Variants in SRD5A2 observed in about 807,000 individuals in gnomAD.
SRD5A2 encodes the protein steroid 5 alpha-reductase 2.
In SRD5A2, 30 loss-of-function variants were observed where a neutral mutation model predicts 27.4. The ratio of observed to expected loss-of-function variants is 1.10; its 90% CI spans 0.82 to 1.49. The LOEUF (loss-of-function observed/expected upper bound fraction) is 1.49. Ranked by LOEUF, SRD5A2 falls within the 40% of genes most tolerant of loss-of-function variation. The pLI is 0.00. For missense variants in SRD5A2, 348 were observed against 323.4 expected (o/e 1.08, Z -0.58); for synonymous variants, 141 against 133.6 (o/e 1.06, Z -0.38).
chr2:31,596,131 G>A, the SRD5A2 span, among the ~76,000 whole-genome samples: 1 of 152,050 alleles, frequency 6.6e-6, no homozygotes, highest in African/African-American at 2.4e-5. Flanking sequence ...GCATTCTCCT[G>A]CAAGGTGTGG....
the SRD5A2 span, among the ~76,000 whole-genome samples, chr2:31,640,974 G>T: frequency 6.6e-6 from 1 of 152,142 alleles, no homozygotes; most frequent in African/African-American, 2.4e-5. Context: ...TTTTCTGTGT[G>T]TTGGTGCTGA....
the SRD5A2 span, among the ~76,000 whole-genome samples, chr2:31,627,681 T>G: frequency 2.0e-5 from 3 of 152,102 alleles, no homozygotes; most frequent in Non-Finnish European, 2.9e-5. Flanking sequence ...TTTCTCTCAT[T>G]CATTTCAAAG....
In SRD5A2 at chr2:31,533,740, C is replaced by T. The variant is rs749199514; in HGVS notation, c.308G>A (p.Arg103Gln). ...GAGTATAGCTGGATAAGGCCTCCCT[C>T]GATTGAGCAGTGAGTACACAAATGT... Reference protein sequence around the residue: ...HRTFVYSLLNRGRPYPAILIL... With the variant: ...HRTFVYSLLNQGRPYPAILIL... Residue 103 changes from arginine to glutamine, a missense_variant, in exon 2 of 5, where the codon CGA (arginine) becomes CAA (glutamine). Physicochemically the swap from Arg to Gln is conservative, Grantham distance 43. Coordinates refer to ENST00000622030, the MANE Select transcript of SRD5A2 (RefSeq NM_000348.4). 2.0e-5 allele frequency: 32 copies of T among 1,603,126 alleles called. No homozygotes were observed. Among genetic ancestry groups the T allele is most frequent in the South Asian group, 2.3e-5 (2 of 88,154 alleles).
chr2:31,583,260 G>T (rs760489539), upstream of SRD5A2, among the ~76,000 whole-genome samples: 1 of 152,198 alleles, frequency 6.6e-6, no homozygotes, highest in Non-Finnish European at 1.5e-5. Flanking sequence ...ACAAAAGTAC[G>T]AGAGTAGAAG....
intron 1 of SRD5A2, among the ~76,000 whole-genome samples, chr2:31,553,696 A>G (rs1342011695): frequency 1.3e-5 from 2 of 152,210 alleles, no homozygotes; most frequent in African/African-American, 4.8e-5. Flanking sequence ...CTACTCTGCA[A>G]TCTAAAGGAA....
intron 1 of SRD5A2, among the ~76,000 whole-genome samples, chr2:31,565,376 C>A: frequency 6.6e-6 from 1 of 151,428 alleles, no homozygotes; most frequent in Admixed American, 6.6e-5. Flanking sequence ...TTCTAATATC[C>A]CAGTTAAAAA....
the SRD5A2 span, among the ~76,000 whole-genome samples, chr2:31,621,566 T>C: frequency 6.6e-6 from 1 of 152,154 alleles, no homozygotes; most frequent in East Asian, 1.9e-4. Context: ...GATTAATGTA[T>C]AGCTTTTTGT....
At chr2:31,634,687 C>CTCCCT in the SRD5A2 span, among the ~76,000 whole-genome samples, 1 of 151,956 alleles carries the variant, frequency 6.6e-6, no homozygotes, top group South Asian at 2.1e-4. Context: ...TCCTTGTCTA[C>CTCCCT]TCCCTTCCCT....
chr2:31,631,410 C>T, the SRD5A2 span, among the ~76,000 whole-genome samples: 1 of 152,164 alleles, frequency 6.6e-6, no homozygotes. Flanking sequence ...CCTTAGAGGA[C>T]ACTCTACGAC....
chr2:31,589,745 G>C, the SRD5A2 span, among the ~76,000 whole-genome samples: 156 of 152,276 alleles, frequency 1.0e-3, no homozygotes, highest in African/African-American at 3.5e-3. Context: ...TGCAGAAACG[G>C]GGTGGGGGGC....
At chr2:31,586,193 C>A in the SRD5A2 span, among the ~76,000 whole-genome samples, 1 of 152,066 alleles carries the variant, frequency 6.6e-6, no homozygotes, top group African/African-American at 2.4e-5. Flanking sequence ...ATCCCCTACT[C>A]CCCTCTCACA....
chr2:31,655,259 G>C, the SRD5A2 span, among the ~76,000 whole-genome samples: 1 of 151,842 alleles, frequency 6.6e-6, no homozygotes, highest in Admixed American at 6.6e-5. Context: ...CCACCACCAC[G>C]ACTGACTAAT....
chr2:31,586,404 C>T, the SRD5A2 span, among the ~76,000 whole-genome samples: 1 of 152,288 alleles, frequency 6.6e-6, no homozygotes, highest in African/African-American at 2.4e-5. Context: ...AGGCCTTGAG[C>T]AAACATAGGC....
the SRD5A2 span, among the ~76,000 whole-genome samples, chr2:31,623,944 G>A: frequency 6.6e-6 from 1 of 152,018 alleles, no homozygotes; most frequent in Non-Finnish European, 1.5e-5. Context: ...TACATCCCAG[G>A]GATGAAGCCA....
the SRD5A2 span, among the ~76,000 whole-genome samples, chr2:31,600,235 G>C: frequency 3.3e-5 from 5 of 151,904 alleles, no homozygotes; most frequent in African/African-American, 1.2e-4. Context: ...TCTGCCATTT[G>C]TGGGCATTTA....
At chr2:31,606,830 G>A in the SRD5A2 span, among the ~76,000 whole-genome samples, 1 of 151,912 alleles carries the variant, frequency 6.6e-6, no homozygotes, top group Non-Finnish European at 1.5e-5. Context: ...CACAAATTGG[G>A]TCAATTAAAC....
At chr2:31,615,521 G>A in the SRD5A2 span, among the ~76,000 whole-genome samples, 6 of 152,206 alleles carry the variant, frequency 3.9e-5, no homozygotes, top group Admixed American at 6.5e-5. Context: ...GATTATTTAG[G>A]GTATCTGGCA....
the SRD5A2 span, among the ~76,000 whole-genome samples, chr2:31,599,500 G>A: frequency 6.6e-6 from 1 of 151,944 alleles, no homozygotes; most frequent in African/African-American, 2.4e-5. Context: ...TCAGTAACAA[G>A]AGGAATTTTG....
intron 1 of SRD5A2, among the ~76,000 whole-genome samples, chr2:31,574,968 T>C (rs1238026542): frequency 6.6e-6 from 1 of 152,228 alleles, no homozygotes; most frequent in Non-Finnish European, 1.5e-5. Flanking sequence ...GTTGCTGCAA[T>C]AGAGATCATG....
Sources: gnomAD v4.1 joint callset for allele counts (sites outside exome capture counted in the v4.1 genomes callset) on GRCh38, gnomAD v4.1.1 for gene constraint, MANE v1.5 for transcripts, NCBI Gene and HGNC (gene_info 2026-07-23, HGNC 2026-07-21) for gene names.